DOCK1: variants seen among roughly 807,000 people sequenced by gnomAD.
The protein encoded by DOCK1 is dedicator of cytokinesis protein 1.
DOCK1 carries 138 observed loss-of-function variants against 262.7 expected under a neutral mutation model. That is an observed-to-expected ratio of 0.53 (90% CI 0.46 to 0.61). DOCK1 has a LOEUF of 0.61. DOCK1 is among the 20% of genes least tolerant of loss of function. DOCK1 has a pLI of 0.00. For synonymous variants in DOCK1, 866 were observed against 867.4 expected (o/e 1.00, Z 0.03); for missense variants, 1,908 against 2,370.7 (o/e 0.80, Z 4.05).
At chr10:127,385,706 C>T (rs527661079) in intron 38 of DOCK1, among the ~76,000 whole-genome samples, 2 of 152,320 alleles carry the variant, frequency 1.3e-5, no homozygotes, top group African/African-American at 2.4e-5. Flanking sequence ...ACAGTGTTGG[C>T]GTGGCCGCCC....
At chr10:127,196,726 A>AGAGGAGGAGGAAGAG (rs1554914939) in intron 27 of DOCK1, among the ~76,000 whole-genome samples, 1 of 149,642 alleles carries the variant, frequency 6.7e-6, no homozygotes, top group African/African-American at 2.4e-5. Context: ...AGGAGGAGGA[A>AGAGGAGGAGGAAGAG]GAGGAGGAGG....
At chr10:127,297,776 A>G (rs959386935) in intron 29 of DOCK1, among the ~76,000 whole-genome samples, 6 of 152,146 alleles carry the variant, frequency 3.9e-5, no homozygotes, top group African/African-American at 1.4e-4. Context: ...AATCAGCTCA[A>G]TGAGAGGGGA....
At chr10:127,328,904 TTGTG>T (rs1369865251) in intron 29 of DOCK1, among the ~76,000 whole-genome samples, 5 of 151,812 alleles carry the variant, frequency 3.3e-5, no homozygotes, top group Admixed American at 6.6e-5. Flanking sequence ...TCTTTCCTTC[TTGTG>T]TTTTTTCTTT....
rs539838737 is a variant in DOCK1 at position 127,148,293 on chromosome 10, C to A, written c.2847+20529C>A. On this transcript the variant is annotated intron_variant, in intron 27 of 51. Coordinates refer to ENST00000623213, the MANE Select transcript of DOCK1 (RefSeq NM_001290223.2). ...TGATCCAGAAATGAAGCAGACACAG[C>A]GTGCTCCGGGAGGATGTGGTCACTC... 3.9e-5 allele frequency among the ~76,000 whole-genome samples: 6 copies of A among 152,274 alleles called. No individual in the cohort carries two copies. The East Asian group carries it at 1.2e-3, about 29-fold the overall frequency.
At position 127,423,274 on chromosome 10, in the gene DOCK1, C is replaced by T. The variant is rs752978458; in HGVS notation, c.4777-2600C>T. Among the ~76,000 whole-genome samples, 67 of 152,110 alleles carry T rather than the reference C, an allele frequency of 4.4e-4. 1 individual carries two copies. Among genetic ancestry groups the T allele is most frequent in the Admixed American group, 1.3e-4 (2 of 15,288 alleles). On this transcript the variant is annotated intron_variant, in intron 46 of 51. Coordinates refer to ENST00000623213, the MANE Select transcript of DOCK1 (RefSeq NM_001290223.2). Reference sequence around the variant, plus strand: ...TATCAGGGCAGAGTGAGGTTTTTCTCCTGGGAGTCCCAGGACTCATGTGCA... The same window carrying T: ...TATCAGGGCAGAGTGAGGTTTTTCTTCTGGGAGTCCCAGGACTCATGTGCA...
chr10:127,100,238 A>T lies in DOCK1; in HGVS notation c.2446-5993A>T, dbSNP rs2136175808. Among the ~76,000 whole-genome samples the T allele has an allele frequency of 6.6e-6, 1 of 152,312 alleles. No homozygotes were observed. Among genetic ancestry groups the T allele is most frequent in the South Asian group, 2.1e-4 (1 of 4,828 alleles). On this transcript the variant is annotated intron_variant, in intron 23 of 51. Transcript: ENST00000623213. The surrounding 1 kb of genome is among the most constrained non-coding windows in gnomAD (Gnocchi z 5.5). ...GGGAGGGCGGGTAGGAGGCTGTGGC[A>T]GCAAAGCCAATGGGAGGCAGTAGCC...
intron 22 of DOCK1, among the ~76,000 whole-genome samples, chr10:127,058,417 G>T (rs2045314308): frequency 6.6e-6 from 1 of 151,780 alleles, no homozygotes; most frequent in Middle Eastern, 3.2e-3. Context: ...CTTAAGGTGT[G>T]CCTCTTATAA....
At chr10:127,291,276 AC>A (rs1312857436) in intron 29 of DOCK1, among the ~76,000 whole-genome samples, 1 of 152,186 alleles carries the variant, frequency 6.6e-6, no homozygotes, top group African/African-American at 2.4e-5. Context: ...ATCGAATTTT[AC>A]CTGGTAGCAG....
At chr10:127,262,004 C>G (rs2060168398) in intron 29 of DOCK1, among the ~76,000 whole-genome samples, 1 of 91,956 alleles carries the variant, frequency 1.1e-5, no homozygotes, top group African/African-American at 4.3e-5. Context: ...CCATGCTCAT[C>G]TGTTTGTGTA....
rs1342833728 is a variant in DOCK1 at position 127,073,344 on chromosome 10, C to T, written c.2445+11568C>T. Among the ~76,000 whole-genome samples, 5 of 152,272 alleles carry T rather than the reference C, an allele frequency of 3.3e-5. No individual in the cohort carries two copies. The East Asian group carries it at 9.7e-4, about 29-fold the overall frequency. On this transcript the variant is annotated intron_variant, in intron 23 of 51. Transcript: ENST00000623213. ...GGAAAGGCAAAAGACCCAGAATAAT[C>T]AACACAATATTTATGGAGAACAAAG...
intron 25 of DOCK1, among the ~76,000 whole-genome samples, chr10:127,120,417 A>C (rs1167816693): frequency 1.3e-5 from 2 of 152,250 alleles, no homozygotes; most frequent in Non-Finnish European, 2.9e-5. Flanking sequence ...CATTTTAAAA[A>C]ATGAGGCAAT....
At chr10:126,914,831 G>T (rs1163223082) in intron 1 of DOCK1, among the ~76,000 whole-genome samples, 1 of 152,210 alleles carries the variant, frequency 6.6e-6, no homozygotes, top group Non-Finnish European at 1.5e-5. Context: ...AGTGGGCGGT[G>T]GGGAGGGTGA....
intron 1 of DOCK1, among the ~76,000 whole-genome samples, chr10:126,963,640 C>CTTCCCTTCCCTCCT (rs1478977215): frequency 7.2e-4 from 47 of 65,052 alleles, no homozygotes; most frequent in Non-Finnish European, 5.6e-4. Flanking sequence ...CTTCCCTTCC[C>CTTCCCTTCCCTCCT]TCCTTCCTTC....
intron 27 of DOCK1, among the ~76,000 whole-genome samples, chr10:127,195,530 C>G (rs542135435): frequency 1.1e-4 from 16 of 152,158 alleles, no homozygotes; most frequent in Admixed American, 5.2e-4. Context: ...TCATCCCCCC[C>G]CCGAAGTTAA....
intron 27 of DOCK1, among the ~76,000 whole-genome samples, chr10:127,132,054 C>T (rs2489397): frequency 0.82 from 125,057 of 152,222 alleles, 52,064 homozygotes; most frequent in East Asian, 0.94. Context: ...CGGAATAAGG[C>T]ATTAACTGGG....
At chr10:127,010,971 G>A (rs996044103) in intron 11 of DOCK1, among the ~76,000 whole-genome samples, 2 of 152,052 alleles carry the variant, frequency 1.3e-5, no homozygotes, top group African/African-American at 4.8e-5. Context: ...CAACCTGAGG[G>A]ATTGTTTGAA....
intron 27 of DOCK1, among the ~76,000 whole-genome samples, chr10:127,185,351 TC>T (rs1473382914): frequency 1.3e-5 from 2 of 151,972 alleles, no homozygotes; most frequent in Non-Finnish European, 2.9e-5. Flanking sequence ...ACATGGTGAA[TC>T]CCGTCTCTAC....
At chr10:127,284,996 G>A (rs929690708) in intron 29 of DOCK1, among the ~76,000 whole-genome samples, 3 of 152,102 alleles carry the variant, frequency 2.0e-5, no homozygotes, top group Admixed American at 6.5e-5. Flanking sequence ...AATTAGCTGG[G>A]TGAGGTGGTG....
chr10:126,977,165 C>A (rs1047896051), intron 2 of DOCK1, among the ~76,000 whole-genome samples: 18 of 152,290 alleles, frequency 1.2e-4, no homozygotes, highest in Non-Finnish European at 2.4e-4. Context: ...TGACGGTAGA[C>A]CCCTAGGCCT....
Sources: gnomAD v4.1 joint callset for allele counts (sites outside exome capture counted in the v4.1 genomes callset) on GRCh38, gnomAD v4.1.1 for gene constraint, Gnocchi (gnomAD v3.1) non-coding constraint, MANE v1.5 for transcripts, NCBI Gene and HGNC (gene_info 2026-07-23, HGNC 2026-07-21) for gene names.